PTPRT: variants seen among roughly 807,000 people sequenced by gnomAD.
The protein encoded by PTPRT is protein tyrosine phosphatase receptor type T.
In PTPRT, 56 loss-of-function variants were observed where a neutral mutation model predicts 176.8. The ratio of observed to expected loss-of-function variants is 0.32; its 90% confidence interval spans 0.26 to 0.40. PTPRT has a LOEUF of 0.40. PTPRT is among the 10% of genes least tolerant of loss of function. The probability of loss-of-function intolerance (pLI) is 1.00; values close to 1 mark genes in which losing one functional copy is unlikely to be tolerated. For synonymous variants in PTPRT, 783 were observed against 739.0 expected (o/e 1.06, Z -0.96); for missense variants, 1,540 against 1,908.2 (o/e 0.81, Z 3.60).
chr20:42,934,327 G>A (rs974942308), intron 1 of PTPRT, among the ~76,000 whole-genome samples: 2 of 152,208 alleles, frequency 1.3e-5, no homozygotes, highest in Admixed American at 1.3e-4. Flanking sequence ...TTTAATAAAG[G>A]AAAATAGTTT....
intron 7 of PTPRT, among the ~76,000 whole-genome samples, chr20:42,496,240 A>G (rs1296537080): frequency 6.6e-6 from 1 of 152,082 alleles, no homozygotes; most frequent in African/African-American, 2.4e-5. Flanking sequence ...GAGGAGGTGG[A>G]AGGTGAGGCA....
At chr20:42,194,214 C>T (rs1991109739) in intron 16 of PTPRT, among the ~76,000 whole-genome samples, 1 of 152,228 alleles carries the variant, frequency 6.6e-6, no homozygotes, top group South Asian at 2.1e-4. Context: ...CTACCTCTCT[C>T]CCCAGACCGT....
At chr20:43,019,378 T>C (rs545060304) in intron 1 of PTPRT, among the ~76,000 whole-genome samples, 3 of 152,208 alleles carry the variant, frequency 2.0e-5, no homozygotes, top group African/African-American at 7.2e-5. Context: ...CCCAGCACTT[T>C]GGGAGGTCAA....
chr20:42,524,052 T>C (rs916965285), intron 7 of PTPRT, among the ~76,000 whole-genome samples: 1 of 152,146 alleles, frequency 6.6e-6, no homozygotes, highest in Admixed American at 6.5e-5. Flanking sequence ...AATACATCAC[T>C]TCCACAGCAA....
At chr20:42,980,517 T>C (rs1355253980) in intron 1 of PTPRT, among the ~76,000 whole-genome samples, 1 of 152,258 alleles carries the variant, frequency 6.6e-6, no homozygotes, top group Non-Finnish European at 1.5e-5. Context: ...ATACATTCTC[T>C]TATTCAAATT....
In PTPRT at chr20:42,104,625, T is replaced by G; in HGVS notation, c.3484A>C (p.Asn1162His). Reference protein sequence around the residue: ...PVCEFRSLYYNISRLDPQTNS... With the variant: ...PVCEFRSLYYHISRLDPQTNS... ...GTCTGGGGGTCCAGCCTGCTGATAT[T>G]GTAGTAGAGAGAACGGAACTCACAC... The change falls in exon 25 of 31, where the codon AAT becomes CAT. Residue 1162 changes from asparagine (N) to histidine (H), a missense_variant. Asn to His is a moderately conservative substitution (Grantham distance 68). Transcript: ENST00000373187. The G allele has an allele frequency of 6.2e-7, 1 of 1,610,894 alleles. No individual in the cohort carries two copies. The highest frequency in any genetic ancestry group is 8.5e-7 in the Non-Finnish European group (1 of 1,177,130).
intron 7 of PTPRT, among the ~76,000 whole-genome samples, chr20:42,524,224 T>C (rs900548330): frequency 1.3e-5 from 2 of 152,204 alleles, no homozygotes; most frequent in African/African-American, 2.4e-5. Context: ...CCATTCTGCT[T>C]ACCAATTTCC....
intron 2 of PTPRT, among the ~76,000 whole-genome samples, chr20:42,858,292 G>T (rs963089084): frequency 6.6e-6 from 1 of 152,196 alleles, no homozygotes; most frequent in Non-Finnish European, 1.5e-5. Flanking sequence ...GACAGCTGGG[G>T]ATTTAGAGCC....
chr20:43,090,563 C>T (rs550947594), intron 1 of PTPRT, among the ~76,000 whole-genome samples: 123 of 152,208 alleles, frequency 8.1e-4, no homozygotes, highest in Admixed American at 7.9e-3. Context: ...CCACCGCGCC[C>T]AGCCACAGGT....
intron 13 of PTPRT, chr20:42,270,561 C>A: frequency 2.3e-6 from 2 of 871,292 alleles, no homozygotes; most frequent in Non-Finnish European, 3.7e-6. Context: ...TCTTGTGGCT[C>A]TGAAGAGCTC....
intron 7 of PTPRT, among the ~76,000 whole-genome samples, chr20:42,670,297 G>C (rs142630157): frequency 6.6e-6 from 1 of 152,192 alleles, no homozygotes; most frequent in African/African-American, 2.4e-5. Context: ...CCAACAAAAT[G>C]GTGCATTATA....
intron 26 of PTPRT, among the ~76,000 whole-genome samples, chr20:42,100,696 C>T (rs1460526810): frequency 2.0e-5 from 3 of 152,182 alleles, no homozygotes; most frequent in Middle Eastern, 3.2e-3. Flanking sequence ...CCCTAGGCTC[C>T]ATTTCTCATC....
At chr20:42,328,338 C>T (rs954084910) in intron 11 of PTPRT, among the ~76,000 whole-genome samples, 3 of 152,056 alleles carry the variant, frequency 2.0e-5, no homozygotes, top group African/African-American at 7.2e-5. Context: ...TGAGTTCTTT[C>T]AATCTTCCAG....
chr20:42,110,012 G>A (rs1013289775), intron 23 of PTPRT, among the ~76,000 whole-genome samples: 2 of 151,688 alleles, frequency 1.3e-5, no homozygotes, highest in African/African-American at 2.4e-5. Context: ...AGAAAGCCGA[G>A]CTGCAGAGGC....
At chr20:42,908,082 G>A (rs2079501070) in intron 1 of PTPRT, among the ~76,000 whole-genome samples, 1 of 152,140 alleles carries the variant, frequency 6.6e-6, no homozygotes, top group Admixed American at 6.5e-5. Context: ...CAGCCATTAG[G>A]AGCTGCAACT....
At chr20:42,605,747 G>A (rs148256929) in intron 7 of PTPRT, among the ~76,000 whole-genome samples, 1 of 152,284 alleles carries the variant, frequency 6.6e-6, no homozygotes, top group African/African-American at 2.4e-5. Context: ...CCAGGAAACG[G>A]GCTCTCTCCC....
At chr20:42,874,950 G>A (rs555239938) in intron 2 of PTPRT, among the ~76,000 whole-genome samples, 2 of 152,182 alleles carry the variant, frequency 1.3e-5, no homozygotes, top group East Asian at 1.9e-4. Context: ...GGGCAATGGC[G>A]CAGTCTCAGC....
rs543632269 is a variant in PTPRT, at chr20:42,623,713, G to T, written c.1153+54153C>A. 1.5e-3 allele frequency among the ~76,000 whole-genome samples: 230 copies of T among 152,034 alleles called. 1 individual carries two copies. The highest frequency in any genetic ancestry group is 2.7e-3 in the Non-Finnish European group (183 of 67,980). On this transcript the variant is annotated intron_variant, in intron 7 of 30. Transcript: ENST00000373187. ...TCACTTCATCCACGTGCTTCTTCTG[G>T]GACCCCTTGTTTTAGCCAACTCCAT... is the stretch of plus-strand genomic sequence containing the variant.
rs113412534 is a variant in PTPRT at position 42,238,647 on chromosome 20, C to G, written c.2313-2389G>C. On this transcript the variant is annotated intron_variant, in intron 14 of 30. Coordinates refer to ENST00000373187, the MANE Select transcript of PTPRT (RefSeq NM_007050.6). ...TTGTCAAGAACACTGAGCTGAGAATCAAGAGGCCAGCATTATAATCTCAGA... is the reference window on the plus strand; with the variant it reads ...TTGTCAAGAACACTGAGCTGAGAATGAAGAGGCCAGCATTATAATCTCAGA... Among the ~76,000 whole-genome samples, 39 of 152,312 alleles carry G rather than the reference C, an allele frequency of 2.6e-4. 2 individuals are homozygous for G. Among genetic ancestry groups the G allele is most frequent in the African/African-American group, 8.9e-4 (37 of 41,584 alleles).
Sources: gnomAD v4.1 joint callset for allele counts (sites outside exome capture counted in the v4.1 genomes callset) on GRCh38, gnomAD v4.1.1 for gene constraint, MANE v1.5 for transcripts, NCBI Gene and HGNC (gene_info 2026-07-23, HGNC 2026-07-21) for gene names.